DNAH3: variants seen among roughly 807,000 people sequenced by gnomAD.
The protein encoded by DNAH3 is dynein axonemal heavy chain 3.
A neutral mutation model predicts 432.5 loss-of-function variants in DNAH3; 332 were observed. The ratio of observed to expected loss-of-function variants is 0.77; its 90% CI spans 0.70 to 0.84. The LOEUF (loss-of-function observed/expected upper bound fraction) is 0.84. Among genes scored for constraint, DNAH3 ranks in the 40% least tolerant of loss-of-function variants. The pLI is 0.00. For synonymous variants in DNAH3, 1,956 were observed against 1,900.2 expected (o/e 1.03, Z -0.76); for missense variants, 4,861 against 5,114.0 (o/e 0.95, Z 1.51).
At chr16:21,075,385 T>C in intron 21 of DNAH3, 62 bp downstream of exon 21, 3 of 1,122,174 alleles carry the variant, frequency 2.7e-6, no homozygotes, top group Non-Finnish European at 1.4e-6. Flanking sequence ...ATCGTTTCTG[T>C]AATCTATTGC....
At chr16:21,077,187 G>A (rs2152769116) in intron 20 of DNAH3, among the ~76,000 whole-genome samples, 2 of 151,914 alleles carry the variant, frequency 1.3e-5, no homozygotes, top group Admixed American at 1.3e-4. Flanking sequence ...CCCCCAGATG[G>A]AGTCTCACTG....
chr16:21,087,037 C>T (rs1230509264), exon 19 of DNAH3: 1 of 1,613,910 alleles, frequency 6.2e-7, no homozygotes, highest in East Asian at 2.2e-5. Flanking sequence ...GCAATTTGCT[C>T]AGCATTCAGT....
exon 22 of DNAH3, chr16:21,070,747 C>A (rs2152762535): frequency 1.9e-6 from 3 of 1,613,140 alleles, no homozygotes; most frequent in Non-Finnish European, 1.7e-6. Context: ...GAATGGGGAG[C>A]CACACATGGT....
Position 21,062,505 on chromosome 16 carries a change from T to C in DNAH3, c.3697A>G (p.Lys1233Glu), listed in dbSNP as rs575810552. 9.7e-5 allele frequency: 157 copies of C among 1,614,190 alleles called. No individual in the cohort carries two copies. The South Asian group carries it at 1.6e-3, about 16-fold the overall frequency. The change falls in exon 25 of 62, where the codon AAA (lysine) becomes GAA (glutamate). Residue 1233 changes from lysine (K) to glutamate (E), a missense_variant. Physicochemically the swap from Lys to Glu is moderately conservative, Grantham distance 56. Transcript: ENST00000261383. ...ACCTTGGCATTAGCTGGGTAGATTTTCTGTATGAATGGAACAGTTTCTTTT... is the reference window on the plus strand; with the variant it reads ...ACCTTGGCATTAGCTGGGTAGATTTCCTGTATGAATGGAACAGTTTCTTTT...
chr16:21,042,217 GC>G lies in DNAH3; in HGVS notation c.4462-15del. 1 of 1,578,136 alleles carries G rather than the reference GC, an allele frequency of 6.3e-7. No individual in the cohort carries two copies. Among genetic ancestry groups the G allele is most frequent in the South Asian group, 1.2e-5 (1 of 85,180 alleles). On this transcript the variant is annotated splice_polypyrimidine_tract_variant and intron_variant, in intron 31 of 61. Coordinates refer to ENST00000261383, the Ensembl canonical transcript of DNAH3. ...CAGCACTTCTACCTGGGGTGAGAAT[GC>G]CCGGCTGATAAGAGCATCTGCTTCT...
chr16:20,997,189 G>A, intron 44 of DNAH3, 94 bp downstream of exon 44: 4 of 1,328,528 alleles, frequency 3.0e-6, no homozygotes, highest in Non-Finnish European at 4.2e-6. Context: ...GGTTTGGCAG[G>A]ACAGACTGTG....
At chr16:21,067,022 T>C (rs938798098) in intron 24 of DNAH3, among the ~76,000 whole-genome samples, 1 of 152,220 alleles carries the variant, frequency 6.6e-6, no homozygotes, top group Non-Finnish European at 1.5e-5. Context: ...CAGTCATGAA[T>C]ACTCTACCCC....
At chr16:20,968,491 C>G (rs2085161983) in intron 52 of DNAH3, among the ~76,000 whole-genome samples, 1 of 152,318 alleles carries the variant, frequency 6.6e-6, no homozygotes, top group African/African-American at 2.4e-5. Flanking sequence ...CACTGTTCAG[C>G]TCTAAGGCAC....
intron 6 of DNAH3, among the ~76,000 whole-genome samples, chr16:21,135,274 C>A (rs2092626473): frequency 6.6e-6 from 1 of 152,128 alleles, no homozygotes; most frequent in Non-Finnish European, 1.5e-5. Flanking sequence ...CACAAAAAAA[C>A]CCACCATGGA....
At chr16:20,983,594 T>C (rs1215435290) in intron 48 of DNAH3, among the ~76,000 whole-genome samples, 2 of 152,122 alleles carry the variant, frequency 1.3e-5, no homozygotes, top group Non-Finnish European at 2.9e-5. Context: ...TCTGCTTGTT[T>C]CTGATCCCAT....
At chr16:21,000,471 G>T in exon 43 of DNAH3, 1 of 1,613,784 alleles carries the variant, frequency 6.2e-7, no homozygotes, top group Non-Finnish European at 8.5e-7. Context: ...TTTTCAAGAA[G>T]AAGGACTGCC....
chr16:20,986,689 T>C (rs1399574196), intron 47 of DNAH3, among the ~76,000 whole-genome samples: 1 of 152,140 alleles, frequency 6.6e-6, no homozygotes, highest in East Asian at 1.9e-4. Context: ...GACACTATCC[T>C]GGTCCCCACT....
chr16:21,015,591 T>C (rs2087818429), intron 41 of DNAH3, among the ~76,000 whole-genome samples: 1 of 152,150 alleles, frequency 6.6e-6, no homozygotes, highest in South Asian at 2.1e-4. Flanking sequence ...GGTTCATCAA[T>C]TGTAACTATA....
chr16:21,131,385 G>A (rs781282264), intron 7 of DNAH3, among the ~76,000 whole-genome samples: 1 of 150,918 alleles, frequency 6.6e-6, no homozygotes, highest in Non-Finnish European at 1.5e-5. Flanking sequence ...AGGAAGGAAG[G>A]AAGGAAGGAA....
chr16:21,042,717 C>T (rs1025768072), intron 31 of DNAH3, among the ~76,000 whole-genome samples: 14 of 152,056 alleles, frequency 9.2e-5, no homozygotes, highest in African/African-American at 3.4e-4. Flanking sequence ...GGTACACGTG[C>T]ACATTGTGCA....
At chr16:20,936,060 A>G (rs1007962366) in intron 60 of DNAH3, among the ~76,000 whole-genome samples, 1 of 152,194 alleles carries the variant, frequency 6.6e-6, no homozygotes, top group Non-Finnish European at 1.5e-5. Flanking sequence ...TAAAAAATCA[A>G]TGTTTACATG....
At chr16:21,076,529 C>T (rs1333079465) in intron 20 of DNAH3, among the ~76,000 whole-genome samples, 3 of 152,128 alleles carry the variant, frequency 2.0e-5, no homozygotes, top group Non-Finnish European at 2.9e-5. Flanking sequence ...CAGACCAAAC[C>T]AAAATGGAGT....
chr16:21,127,699 G>A, exon 8 of DNAH3: 4 of 1,614,128 alleles, frequency 2.5e-6, no homozygotes, highest in East Asian at 2.2e-5. Context: ...GTTGAGAAGA[G>A]TCTGGTGTGC....
chr16:21,083,421 A>C (rs763740381), intron 19 of DNAH3, among the ~76,000 whole-genome samples: 2 of 152,248 alleles, frequency 1.3e-5, no homozygotes, highest in Non-Finnish European at 2.9e-5. Context: ...TGTTATAGGC[A>C]CATGATGAAA....
Sources: gnomAD v4.1 joint callset for allele counts (sites outside exome capture counted in the v4.1 genomes callset) on GRCh38, gnomAD v4.1.1 for gene constraint, MANE v1.5 for transcripts, NCBI Gene and HGNC (gene_info 2026-07-23, HGNC 2026-07-21) for gene names.